The following CATSPERB variants were observed in gnomAD, a reference collection of about 807,000 sequenced individuals.
CATSPERB encodes cation channel sperm-associated auxiliary subunit beta.
In CATSPERB, 93 loss-of-function variants were observed where a neutral mutation model predicts 128.3. The ratio of observed to expected loss-of-function variants is 0.72; its 90% CI spans 0.61 to 0.86. CATSPERB has a LOEUF of 0.86. CATSPERB is among the 40% of genes least tolerant of loss of function. The pLI is 0.00. For synonymous variants in CATSPERB, 381 were observed against 448.8 expected (o/e 0.85, Z 1.91); for missense variants, 1,153 against 1,329.5 (o/e 0.87, Z 2.06).
intron 7 of CATSPERB, among the ~76,000 whole-genome samples, chr14:91,695,047 A>G (rs980149349): frequency 1.4e-4 from 21 of 152,046 alleles, no homozygotes; most frequent in African/African-American, 4.8e-4. Context: ...TTATTATTGT[A>G]TACTTTTTCC....
intron 4 of CATSPERB, among the ~76,000 whole-genome samples, chr14:91,721,290 C>T (rs113067384): frequency 6.0e-4 from 91 of 152,126 alleles, no homozygotes; most frequent in African/African-American, 1.9e-3. Flanking sequence ...GAAAAGACAA[C>T]GCATAGAATG....
At position 91,624,978 on chromosome 14, in the gene CATSPERB, A is replaced by G. The variant is rs1362473076; in HGVS notation, c.1772T>C (p.Val591Ala). The G allele has an allele frequency of 1.2e-5, 19 of 1,597,442 alleles. No homozygotes were observed. The highest frequency in any genetic ancestry group is 1.5e-5 in the Non-Finnish European group (18 of 1,175,602). ...TCCTTTAGGAGTCGTATGTTGCAATACCTTTCTTATGTAAGCTCTTCCAGT... is the reference window on the plus strand; with the variant it reads ...TCCTTTAGGAGTCGTATGTTGCAATGCCTTTCTTATGTAAGCTCTTCCAGT... Reference protein sequence around the residue: ...GKTGRAYIRKVLQHTTPKGFL... With the variant: ...GKTGRAYIRKALQHTTPKGFL... Residue 591 changes from valine to alanine, a missense_variant, in exon 18 of 27, where the codon GTA (valine) becomes GCA (alanine). Val to Ala is a moderately conservative substitution (Grantham distance 64, BLOSUM62 0). Coordinates refer to ENST00000256343, the MANE Select transcript of CATSPERB (RefSeq NM_024764.4).
chr14:91,726,377 C>T (rs1028551079), intron 2 of CATSPERB, among the ~76,000 whole-genome samples: 4 of 152,156 alleles, frequency 2.6e-5, no homozygotes, highest in Admixed American at 6.5e-5. Context: ...CTCCCCATCC[C>T]GTAAGGGGTT....
At chr14:91,702,675 AACACACAC>A (rs71461951) in intron 7 of CATSPERB, among the ~76,000 whole-genome samples, 55 of 145,592 alleles carry the variant, frequency 3.8e-4, no homozygotes, top group African/African-American at 1.0e-3. Context: ...CAAAAAAGAA[AACACACAC>A]ACACACACAC....
chr14:91,692,175 C>CAAAAAAAAAAAAAAAAAA (rs748422210), intron 9 of CATSPERB, among the ~76,000 whole-genome samples: 1 of 55,514 alleles, frequency 1.8e-5, no homozygotes. Flanking sequence ...GACTCAGTCT[C>CAAAAAAAAAAAAAAAAAA]AAAAAAAAAA....
chr14:91,597,339 C>A (rs974000136), intron 22 of CATSPERB, among the ~76,000 whole-genome samples: 1 of 152,016 alleles, frequency 6.6e-6, no homozygotes, highest in Admixed American at 6.6e-5. Flanking sequence ...AAAGTGAAAA[C>A]CTTCATTATT....
In CATSPERB at chr14:91,591,955, C is replaced by T. The variant is rs750112840; in HGVS notation, c.2757G>A (p.Glu919=). 7 of 1,613,950 alleles carry T rather than the reference C, an allele frequency of 4.3e-6. No homozygotes were observed. Among genetic ancestry groups the T allele is most frequent in the East Asian group, 2.2e-5 (1 of 44,886 alleles). The part of the protein sequence containing the change: ...KQCANVSTRE[E]CNCTKDQKFS... ...ACTTCTGATCCTTTGTGCAGTTACA[C>T]TCCTCCCGAGTGGAAACATTAGCAC... is the stretch of plus-strand genomic sequence containing the variant. Residue 919 remains glutamate, a synonymous_variant, in exon 23 of 27, where the codon GAG becomes GAA. Coordinates refer to ENST00000256343, the MANE Select transcript of CATSPERB (RefSeq NM_024764.4).
At chr14:91,636,229 G>A in intron 17 of CATSPERB, 196 bp downstream of exon 17, 1 of 517,254 alleles carries the variant, frequency 1.9e-6, no homozygotes, top group Non-Finnish European at 3.4e-6. Context: ...CGGGCTTGGT[G>A]GTGTGTGCCT....
At chr14:91,674,994 T>G (rs116616477) in intron 11 of CATSPERB, among the ~76,000 whole-genome samples, 8 of 152,370 alleles carry the variant, frequency 5.3e-5, no homozygotes, top group African/African-American at 1.9e-4. Flanking sequence ...CTCTCCCAAC[T>G]GCTGGCTTTT....
At chr14:91,623,277 G>A (rs1484038397) in intron 18 of CATSPERB, among the ~76,000 whole-genome samples, 3 of 152,014 alleles carry the variant, frequency 2.0e-5, no homozygotes, top group African/African-American at 4.8e-5. Context: ...TATGCAACAC[G>A]GGAGAGGGGC....
At chr14:91,729,556 A>G in intron 1 of CATSPERB, 77 bp from the exon 2 acceptor site, 2 of 679,160 alleles carry the variant, frequency 2.9e-6, no homozygotes, top group Admixed American at 3.0e-5. Flanking sequence ...AAACAACTAC[A>G]AAGTAGTAAA....
chr14:91,628,959 G>A (rs1407059432), intron 17 of CATSPERB, among the ~76,000 whole-genome samples: 1 of 152,204 alleles, frequency 6.6e-6, no homozygotes, highest in Non-Finnish European at 1.5e-5. Context: ...GGACAGTTCA[G>A]TCATTTTTTA....
chr14:91,708,736 A>G (rs1434027476), intron 5 of CATSPERB, among the ~76,000 whole-genome samples: 1 of 152,260 alleles, frequency 6.6e-6, no homozygotes, highest in Non-Finnish European at 1.5e-5. Flanking sequence ...GCAAGGTGGT[A>G]GATTTTAATA....
chr14:91,581,035 C>T lies in CATSPERB; in HGVS notation c.3205G>A (p.Gly1069Arg), dbSNP rs1303094175. The T allele has an allele frequency of 1.4e-5, 23 of 1,614,064 alleles. No homozygotes were observed. The highest frequency in any genetic ancestry group is 1.6e-4 in the Middle Eastern group (1 of 6,084). ...LIAVATAVVL[G>R]GLIFIAFMFQ... Reference sequence around the variant, plus strand: ...ATAAATGCTATAAAAATTAATCCCCCTAGCACTACCGCTGTTGCCACGGCA... The same window carrying T: ...ATAAATGCTATAAAAATTAATCCCCTTAGCACTACCGCTGTTGCCACGGCA... The change falls in exon 27 of 27, where the codon GGG (glycine) becomes AGG (arginine). Residue 1069 changes from glycine to arginine, a missense_variant. Gly to Arg is a moderately radical substitution (Grantham distance 125, BLOSUM62 -2). Transcript: ENST00000256343.
At chr14:91,705,296 T>A (rs1895716505) in intron 6 of CATSPERB, among the ~76,000 whole-genome samples, 1 of 152,200 alleles carries the variant, frequency 6.6e-6, no homozygotes, top group African/African-American at 2.4e-5. Context: ...ACTCATTTAC[T>A]TTTTGTTCTC....
chr14:91,585,710 T>A (rs1424510192), intron 26 of CATSPERB, among the ~76,000 whole-genome samples: 2 of 152,220 alleles, frequency 1.3e-5, no homozygotes, highest in East Asian at 3.8e-4. Flanking sequence ...TCTTCAGAAT[T>A]GATTATATTG....
intron 5 of CATSPERB, among the ~76,000 whole-genome samples, chr14:91,718,640 C>CA (rs1286596617): frequency 6.6e-6 from 1 of 151,608 alleles, no homozygotes; most frequent in Non-Finnish European, 1.5e-5. Context: ...AGCCTGTCTA[C>CA]AAAAAAAGAA....
intron 7 of CATSPERB, among the ~76,000 whole-genome samples, chr14:91,700,835 C>T (rs1895636098): frequency 6.6e-6 from 1 of 151,970 alleles, no homozygotes; most frequent in Non-Finnish European, 1.5e-5. Context: ...GGGAAGGGAG[C>T]AATGGTTGAA....
intron 12 of CATSPERB, 108 bp from the exon 13 acceptor site, chr14:91,673,124 G>C (rs1413777597): frequency 3.4e-5 from 35 of 1,017,912 alleles, no homozygotes; most frequent in Non-Finnish European, 4.5e-5. Context: ...ACAGTTTTTT[G>C]AACAAACATA....
Sources: allele counts gnomAD v4.1 joint callset (sites outside exome capture counted in the v4.1 genomes callset), GRCh38; gene constraint gnomAD v4.1.1; transcripts MANE v1.5; gene names NCBI Gene and HGNC (gene_info 2026-07-23, HGNC 2026-07-21).